ATP12A: variants seen among roughly 807,000 people sequenced by gnomAD.
ATP12A encodes the protein potassium-transporting ATPase alpha chain 2.
ATP12A carries 81 observed loss-of-function variants against 111.2 expected under a neutral mutation model. That is an observed-to-expected ratio of 0.73 (90% CI 0.61 to 0.88). ATP12A has a LOEUF of 0.88. ATP12A is among the 40% of genes least tolerant of loss of function. ATP12A has a pLI of 0.00. For missense variants in ATP12A, 1,196 were observed against 1,313.1 expected (o/e 0.91, Z 1.38); for synonymous variants, 498 against 499.8 (o/e 1.00, Z 0.05).
At position 24,709,794 on chromosome 13, in the gene ATP12A, T is replaced by C. The variant is rs954861387; in HGVS notation, c.2729T>C (p.Val910Ala). Residue 910 changes from valine (V) to alanine (A), a missense_variant, in exon 19 of 23, where the codon GTG becomes GCG. Around this residue, in one of 3 missense-constraint regions of ATP12A, gnomAD observed 1,126 missense variants for 1,228.5 expected, o/e 0.92. Coordinates refer to ENST00000381946, the MANE Select transcript of ATP12A (RefSeq NM_001676.7). ...NLRVEWEKDY[V>A]NDLKDSYGQE... ...CGGGTAGAATGGGAGAAGGACTACG[T>C]GAATGACTTGAAAGACAGCTATGGG... 6.2e-7 allele frequency: 1 copy of C among 1,614,102 alleles called. No homozygotes were observed. The highest frequency in any genetic ancestry group is 1.3e-5 in the African/African-American group (1 of 74,944).
intron 8 of ATP12A, 86 bp downstream of exon 8, chr13:24,691,336 C>T: frequency 6.8e-7 from 1 of 1,465,914 alleles, no homozygotes; most frequent in South Asian, 1.3e-5. Context: ...ACTGCAATCT[C>T]CCCCAAGTCC....
At chr13:24,706,287 C>A in intron 14 of ATP12A, 26 bp from the exon 15 acceptor site, 1 of 1,610,860 alleles carries the variant, frequency 6.2e-7, no homozygotes, top group Non-Finnish European at 8.5e-7. Flanking sequence ...CCTTGGGCCT[C>A]ACCCAGTTTC....
intron 14 of ATP12A, among the ~76,000 whole-genome samples, chr13:24,702,756 G>A (rs1875450929): frequency 6.6e-6 from 1 of 152,156 alleles, no homozygotes; most frequent in South Asian, 2.1e-4. Flanking sequence ...ACACCGTTGG[G>A]GAATCTTTCC....
In ATP12A at chr13:24,685,369, T is replaced by G. The variant is rs1874630550; in HGVS notation, c.224T>G (p.Ile75Ser). 1 of 1,613,898 alleles carries G rather than the reference T, an allele frequency of 6.2e-7. No individual in the cohort carries two copies. Among genetic ancestry groups the G allele is most frequent in the African/African-American group, 1.3e-5 (1 of 74,886 alleles). Residue 75 changes from isoleucine to serine, a missense_variant, in exon 3 of 23, where the codon ATT (isoleucine) becomes AGT (serine). Ile to Ser is a moderately radical substitution (Grantham distance 142). Transcript: ENST00000381946. This position sits in a 1 kb window ranked among gnomAD's most constrained non-coding sequence, Gnocchi z 5.5. Reference protein sequence around the residue: ...ELEEKYGTDIIMGLSSTRAAE... With the variant: ...ELEEKYGTDISMGLSSTRAAE... ...GAAGAGAAATATGGCACAGACATCA[T>G]TATGGTGAGTCGTGGGAACCAGGGA...
At position 24,690,491 on chromosome 13, in the gene ATP12A, C is replaced by A. The variant is rs112189083; in HGVS notation, c.681+19C>A. 12,101 of 1,613,134 alleles carry A rather than the reference C, an allele frequency of 7.5e-3. 697 individuals are homozygous for A. The African/African-American group carries it at 0.13, about 18-fold the overall frequency. On this transcript the variant is annotated intron_variant, in intron 6 of 22. Transcript: ENST00000381946. ...GTGTCGGGTAAGCGGCAAGGGGTAT[C>A]CACCCCAAGGACCATGTTCCAAACC...
At chr13:24,693,384 G>A (rs934528408) in intron 10 of ATP12A, among the ~76,000 whole-genome samples, 6 of 151,702 alleles carry the variant, frequency 4.0e-5, no homozygotes, top group Admixed American at 3.9e-4. Flanking sequence ...CCATCTCAAT[G>A]AGTCACTGAA....
At chr13:24,682,044 GTGGTGTGTGTGTA>G (rs1478055790) in intron 2 of ATP12A, among the ~76,000 whole-genome samples, 2 of 113,368 alleles carry the variant, frequency 1.8e-5, no homozygotes, top group East Asian at 2.5e-4. Context: ...GTGTATGTGT[GTGGTGTGTGTGTA>G]TGGTGTGTGT....
chr13:24,688,251 C>T, intron 3 of ATP12A, 68 bp from the exon 4 acceptor site: 2 of 1,521,174 alleles, frequency 1.3e-6, no homozygotes, highest in South Asian at 1.3e-5. Context: ...AGCCCAACCC[C>T]TGAGGGAGGA....
Position 24,706,420 on chromosome 13 carries a change from C to T in ATP12A, c.2126C>T (p.Ser709Phe). The T allele has an allele frequency of 6.2e-7, 1 of 1,614,052 alleles. No homozygotes were observed. Among genetic ancestry groups the T allele is most frequent in the Non-Finnish European group, 8.5e-7 (1 of 1,179,974 alleles). ...NYQEIVFART[S>F]PQQKLIIVEG... ...CAGGAGATTGTCTTTGCCCGGACAT[C>T]CCCCCAGCAGAAGCTGATCATTGTG... Residue 709 changes from serine (S) to phenylalanine (F), a missense_variant, in exon 15 of 23, where the codon TCC becomes TTC. This residue lies in a region of ATP12A where 1,126 missense variants were observed against 1,228.5 expected (regional missense o/e 0.92). Coordinates refer to ENST00000381946, the MANE Select transcript of ATP12A (RefSeq NM_001676.7).
chr13:24,688,190 G>C, intron 3 of ATP12A, 129 bp from the exon 4 acceptor site: 1 of 1,009,816 alleles, frequency 9.9e-7, no homozygotes. Flanking sequence ...TGCTTTTCTC[G>C]GGACCTTCTT....
chr13:24,700,621 A>G (rs1353021367), intron 12 of ATP12A, 126 bp from the exon 13 acceptor site: 1 of 797,658 alleles, frequency 1.3e-6, no homozygotes, highest in East Asian at 2.7e-5. Context: ...GAAATTAAAC[A>G]ATTCTGGCTT....
Position 24,685,281 on chromosome 13 carries a change from A to G in ATP12A, c.169-33A>G, listed in dbSNP as rs370722394. The stretch of plus-strand genomic sequence containing the variant: ...GGGCTTGAGTCTTTTGGAATTATCT[A>G]ATTCACTCTGTTCTTCCTTTCATGG... On this transcript the variant is annotated intron_variant, in intron 2 of 22. Coordinates refer to ENST00000381946, the MANE Select transcript of ATP12A (RefSeq NM_001676.7). This position sits in a 1 kb window ranked among gnomAD's most constrained non-coding sequence, Gnocchi z 5.5. 2 of 1,602,186 alleles carry G rather than the reference A, an allele frequency of 1.2e-6. No homozygotes were observed. The highest frequency in any genetic ancestry group is 1.7e-6 in the Non-Finnish European group (2 of 1,169,204).
At position 24,701,912 on chromosome 13, in the gene ATP12A, C is replaced by A. The variant is rs762594873; in HGVS notation, c.1882-23C>A. On this transcript the variant is annotated intron_variant, in intron 13 of 22. Transcript: ENST00000381946. ...AACCGAGTTCTTCATTACCCGTGGG[C>A]CTTCTCGTTGTCTTTGCTCTAGGTT... 2.5e-6 allele frequency: 4 copies of A among 1,613,994 alleles called. No individual in the cohort carries two copies. The African/African-American group carries it at 5.3e-5, about 22-fold the overall frequency.
At chr13:24,701,724 A>G (rs1875405535) in intron 13 of ATP12A, among the ~76,000 whole-genome samples, 1 of 152,166 alleles carries the variant, frequency 6.6e-6, no homozygotes, top group African/African-American at 2.4e-5. Flanking sequence ...TTCATGTCAG[A>G]GGAGGAAGCG....
At chr13:24,709,524 C>T in intron 18 of ATP12A, 37 bp downstream of exon 18, 1 of 1,605,252 alleles carries the variant, frequency 6.2e-7, no homozygotes, top group African/African-American at 1.3e-5. Context: ...CACACGAGGG[C>T]CTGCCCCGAG....
Position 24,692,436 on chromosome 13 carries a change from T to A in ATP12A, c.1076T>A (p.Leu359Gln). The A allele has an allele frequency of 6.2e-7, 1 of 1,613,690 alleles. No individual in the cohort carries two copies. Among genetic ancestry groups the A allele is most frequent in the Non-Finnish European group, 8.5e-7 (1 of 1,180,028 alleles). Residue 359 changes from leucine to glutamine, a missense_variant, in exon 9 of 23, where the codon CTG becomes CAG. Leu to Gln is a moderately radical substitution (Grantham distance 113, BLOSUM62 -2). Transcript: ENST00000381946. ...CCTTCCCTCTCCTGCTAGGTGACCC[T>A]GTCGCTGACAGCAAAACGGATGGCC... is the stretch of plus-strand genomic sequence containing the variant. Reference protein sequence around the residue: ...EGLLATVTVTLSLTAKRMAKK... With the variant: ...EGLLATVTVTQSLTAKRMAKK...
At position 24,700,646 on chromosome 13, in the gene ATP12A, GT is replaced by G. The variant is rs1474190870; in HGVS notation, c.1706-100del. On this transcript the variant is annotated intron_variant, in intron 12 of 22. Coordinates refer to ENST00000381946, the MANE Select transcript of ATP12A (RefSeq NM_001676.7). ...AATTCTGGCTTATTCTAATGTATTG[GT>G]AAAACAGCAGAGGACCAAGGTGTAT... The G allele has an allele frequency of 4.6e-6, 5 of 1,077,734 alleles. No homozygotes were observed. The African/African-American group carries it at 6.3e-5, about 14-fold the overall frequency. The allele number at this position is 1,077,734 out of a possible 1,614,324, so 66.8% of individuals were successfully genotyped here. A position where few individuals can be genotyped will look rare whatever the true frequency, so the allele number is the denominator to read the frequency against.
intron 6 of ATP12A, 49 bp downstream of exon 6, chr13:24,690,521 G>A: frequency 1.9e-6 from 3 of 1,607,508 alleles, no homozygotes; most frequent in Non-Finnish European, 2.6e-6. Context: ...CAAACCTGCT[G>A]GCTCTGGGGT....
Position 24,711,490 on chromosome 13 carries a change from A to T in ATP12A, c.3092-4A>T. On this transcript the variant is annotated splice_region_variant and splice_polypyrimidine_tract_variant and intron_variant, in intron 22 of 22. Coordinates refer to ENST00000381946, the MANE Select transcript of ATP12A (RefSeq NM_001676.7). ...TTCTGATGTACTTTTTTCTACCTCT[A>T]CAGGCTGGTGGGATAAGAACATGTA... 1 of 1,614,132 alleles carries T rather than the reference A, an allele frequency of 6.2e-7. No individual in the cohort carries two copies. Among genetic ancestry groups the T allele is most frequent in the East Asian group, 2.2e-5 (1 of 44,870 alleles).
Sources: allele counts gnomAD v4.1 joint callset (sites outside exome capture counted in the v4.1 genomes callset), GRCh38; gene constraint gnomAD v4.1.1; regional missense constraint gnomAD v4.1.1; non-coding constraint Gnocchi (gnomAD v3.1); transcripts MANE v1.5; gene names NCBI Gene and HGNC (gene_info 2026-07-23, HGNC 2026-07-21).